Variants in SERPINB8 observed in about 807,000 individuals in gnomAD.
SERPINB8 encodes the protein serpin B8.
A neutral mutation model predicts 35.3 loss-of-function variants in SERPINB8; 25 were observed. That is an observed-to-expected ratio of 0.71 (90% confidence interval 0.52 to 0.99). The LOEUF is 0.99. SERPINB8 is among the 50% of genes least tolerant of loss of function. The pLI is 0.00. For synonymous variants in SERPINB8, 186 were observed against 160.8 expected, an observed-to-expected ratio of 1.16 and a Z score of -1.19; for missense variants, 484 against 446.5, an observed-to-expected ratio of 1.08 and a Z score of -0.76.
intron 6 of SERPINB8, 88 bp downstream of exon 6, chr18:63,985,333 T>C: frequency 6.8e-7 from 1 of 1,472,474 alleles, no homozygotes; most frequent in Non-Finnish European, 9.2e-7. Flanking sequence ...ATTTGAGGAG[T>C]TTCCAGTTGG....
rs962299732 is a variant in SERPINB8 at position 63,987,463 on chromosome 18, A to C, written c.*185A>C. ...GAATAACTGAGGCCGCAGATGCATGAAATTTGGGCCTGGGAAGGCTATGCT... is the reference window on the plus strand; with the variant it reads ...GAATAACTGAGGCCGCAGATGCATGCAATTTGGGCCTGGGAAGGCTATGCT... On this transcript the variant is annotated 3_prime_UTR_variant, in exon 7 of 7. Transcript: ENST00000397985. 1 of 653,900 alleles carries C rather than the reference A, an allele frequency of 1.5e-6. No homozygotes were observed. The allele number at this position is 653,900 out of a possible 1,614,324, so 40.5% of individuals were successfully genotyped here. A position where few individuals can be genotyped will look rare whatever the true frequency, so the allele number is the denominator to read the frequency against.
At chr18:63,971,936 A>G (rs866972087) in intron 1 of SERPINB8, among the ~76,000 whole-genome samples, 22 of 151,596 alleles carry the variant, frequency 1.5e-4, no homozygotes, top group African/African-American at 5.1e-4. Context: ...CTAATTCCTC[A>G]GCCTATTATT....
chr18:64,002,840 A>AGTCGCCGCCGTCTGTG (rs1057511707), intron 1 of SERPINB8, among the ~76,000 whole-genome samples: 1 of 152,008 alleles, frequency 6.6e-6, no homozygotes, highest in Non-Finnish European at 1.5e-5. Context: ...CGCCGCCTGC[A>AGTCGCCGCCGTCTGTG]GTCGCCGCCG....
At chr18:64,004,170 C>A (rs1056915730) in intron 1 of SERPINB8, among the ~76,000 whole-genome samples, 6 of 152,012 alleles carry the variant, frequency 3.9e-5, no homozygotes, top group Non-Finnish European at 8.8e-5. Flanking sequence ...GACCGGAAGA[C>A]AATAGTGGTA....
intron 1 of SERPINB8, among the ~76,000 whole-genome samples, chr18:63,973,332 G>A (rs1432271431): frequency 6.6e-6 from 1 of 152,130 alleles, no homozygotes; most frequent in Non-Finnish European, 1.5e-5. Flanking sequence ...ACTTTTTGAT[G>A]GGGTTGTTTG....
intron 4 of SERPINB8, among the ~76,000 whole-genome samples, chr18:63,983,205 G>C (rs538774608): frequency 6.6e-6 from 1 of 152,120 alleles, no homozygotes; most frequent in Non-Finnish European, 1.5e-5. Context: ...GGTGAGGCTT[G>C]GATATGATAG....
At chr18:64,016,034 GAC>G (rs1370007279) in intron 7 of SERPINB8, among the ~76,000 whole-genome samples, 1 of 152,202 alleles carries the variant, frequency 6.6e-6, no homozygotes, top group African/African-American at 2.4e-5. Context: ...ATTTATACTA[GAC>G]AGACCCTAGA....
At chr18:63,996,666 C>T (rs2050851038) in intron 1 of SERPINB8, among the ~76,000 whole-genome samples, 1 of 152,192 alleles carries the variant, frequency 6.6e-6, no homozygotes, top group Non-Finnish European at 1.5e-5. Context: ...AAGACATTGC[C>T]AAATAAGGAC....
rs1599155551 is a variant in SERPINB8 at position 63,987,500 on chromosome 18, G to A, written c.*222G>A. ...GGGAAGGCTATGCTGGTTTTGGAGT[G>A]TTTGGGGTGCCTGCCATTGCCTCTG... On this transcript the variant is annotated 3_prime_UTR_variant, in exon 7 of 7. Coordinates refer to ENST00000397985, the MANE Select transcript of SERPINB8 (RefSeq NM_002640.4). 1 of 536,850 alleles carries A rather than the reference G, an allele frequency of 1.9e-6. No individual in the cohort carries two copies. The highest frequency in any genetic ancestry group is 2.6e-5 in the South Asian group (1 of 38,106). 33.3% of individuals were successfully genotyped at this position (536,850 alleles called of 1,614,324 possible). A position where few individuals can be genotyped will look rare whatever the true frequency, so the allele number is the denominator to read the frequency against.
intron 7 of SERPINB8, among the ~76,000 whole-genome samples, chr18:64,011,217 A>T (rs1382119417): frequency 2.0e-5 from 3 of 152,054 alleles, no homozygotes; most frequent in Admixed American, 6.6e-5. Context: ...TATCTCAAAT[A>T]AAGTGACAAG....
At chr18:63,974,475 C>T (rs2050549414) in intron 1 of SERPINB8, among the ~76,000 whole-genome samples, 1 of 152,162 alleles carries the variant, frequency 6.6e-6, no homozygotes, top group South Asian at 2.1e-4. Context: ...GCTTTTGAGG[C>T]TGACTCTCAC....
intron 1 of SERPINB8, among the ~76,000 whole-genome samples, chr18:63,975,242 C>T (rs1314963400): frequency 6.6e-6 from 1 of 152,000 alleles, no homozygotes; most frequent in African/African-American, 2.4e-5. Flanking sequence ...CCCAGTTTAC[C>T]CAATTCTCTC....
intron 1 of SERPINB8, among the ~76,000 whole-genome samples, chr18:63,972,342 T>C (rs780183693): frequency 2.0e-5 from 3 of 152,238 alleles, no homozygotes; most frequent in Non-Finnish European, 4.4e-5. Flanking sequence ...GCTTAATCCT[T>C]TAATACATTA....
At position 63,987,341 on chromosome 18, in the gene SERPINB8, C is replaced by G; in HGVS notation, c.*63C>G. 6.6e-7 allele frequency: 1 copy of G among 1,512,838 alleles called. No homozygotes were observed. The highest frequency in any genetic ancestry group is 9.0e-7 in the Non-Finnish European group (1 of 1,116,552). The allele number at this position is 1,512,838 out of a possible 1,614,324, so 93.7% of individuals were successfully genotyped here. On this transcript the variant is annotated 3_prime_UTR_variant, in exon 7 of 7. Transcript: ENST00000397985. ...ACCTATCTTGCCTTAATTAACATTC[C>G]CTGTGACCTAGTTGGTGCAGTGGCT...
At chr18:63,989,451 G>A (rs1223196604), downstream of SERPINB8, 1 of 152,118 alleles carries the variant, frequency 6.6e-6, no homozygotes, top group Non-Finnish European at 1.5e-5. Flanking sequence ...TCATATGGAA[G>A]GTGTAAGTTT....
At chr18:63,979,571 CA>C (rs1190626248) in intron 2 of SERPINB8, among the ~76,000 whole-genome samples, 1 of 152,060 alleles carries the variant, frequency 6.6e-6, no homozygotes, top group Non-Finnish European at 1.5e-5. Flanking sequence ...GGATGGAAGC[CA>C]GAAGTGCTGC....
intron 7 of SERPINB8, among the ~76,000 whole-genome samples, chr18:64,017,584 G>A (rs1290674306): frequency 6.6e-6 from 1 of 152,068 alleles, no homozygotes; most frequent in African/African-American, 2.4e-5. Context: ...AAGCCCCAAT[G>A]TGTTAATATC....
intron 1 of SERPINB8, among the ~76,000 whole-genome samples, chr18:63,974,143 A>C (rs73961854): frequency 0.089 from 13,469 of 152,112 alleles, 829 homozygotes; most frequent in African/African-American, 0.18. Flanking sequence ...TTTTCTTCTT[A>C]TTATTTATTT....
intron 5 of SERPINB8, among the ~76,000 whole-genome samples, chr18:63,984,673 CA>C (rs1467656304): frequency 3.3e-5 from 5 of 152,340 alleles, no homozygotes; most frequent in Non-Finnish European, 4.4e-5. Context: ...AATTCTACAA[CA>C]AGGCAACTTT....
Sources: gnomAD v4.1 joint callset for allele counts (sites outside exome capture counted in the v4.1 genomes callset) on GRCh38, gnomAD v4.1.1 for gene constraint, MANE v1.5 for transcripts, NCBI Gene and HGNC (gene_info 2026-07-23, HGNC 2026-07-21) for gene names.